Variants in KLHL13 observed in about 807,000 individuals in gnomAD.
KLHL13 encodes kelch like family member 13.
In KLHL13, 10 loss-of-function variants were observed where a neutral mutation model predicts 37.1. The ratio of observed to expected loss-of-function variants is 0.27; its 90% confidence interval spans 0.17 to 0.46. KLHL13 has a LOEUF of 0.46. Among genes scored for constraint, KLHL13 ranks in the 20% least tolerant of loss-of-function variants. The probability of loss-of-function intolerance (pLI) is 1.00; values close to 1 mark genes in which losing one functional copy is unlikely to be tolerated. For synonymous variants in KLHL13, 163 were observed against 181.2 expected (o/e 0.90, Z 0.81); for missense variants, 360 against 509.3 (o/e 0.71, Z 2.82).
At chrX:118,040,485 G>A (rs1260477941) in intron 1 of KLHL13, among the ~76,000 whole-genome samples, 2 of 111,354 alleles carry the variant, frequency 1.8e-5, no homozygotes, top group African/African-American at 6.5e-5. Context: ...GAATTAATGA[G>A]CTTGAATATA....
chrX:117,994,016 G>A (rs2053825557), intron 1 of KLHL13, among the ~76,000 whole-genome samples: 1 of 109,756 alleles, frequency 9.1e-6, no homozygotes, highest in South Asian at 3.9e-4. Flanking sequence ...GATTACAGGC[G>A]TGAGCCACCA....
At chrX:117,937,303 A>G (rs1932796625) in intron 2 of KLHL13, among the ~76,000 whole-genome samples, 1 of 111,849 alleles carries the variant, frequency 8.9e-6, no homozygotes, top group Non-Finnish European at 1.9e-5. Flanking sequence ...AAGGGTTTTA[A>G]TAGCAACATA....
chrX:118,033,747 C>A (rs1233239963), intron 1 of KLHL13, among the ~76,000 whole-genome samples: 4 of 109,775 alleles, frequency 3.6e-5, no homozygotes, highest in Non-Finnish European at 7.6e-5. Flanking sequence ...ACAATATTAA[C>A]CTTAAAGGTA....
chrX:117,962,011 C>T (rs2053305480), intron 1 of KLHL13, among the ~76,000 whole-genome samples: 1 of 103,878 alleles, frequency 9.6e-6, no homozygotes, highest in Non-Finnish European at 1.9e-5. Flanking sequence ...TTGAGACCAG[C>T]CTGGTAACAC....
chrX:118,011,155 A>C (rs2054063011), intron 1 of KLHL13, among the ~76,000 whole-genome samples: 1 of 109,782 alleles, frequency 9.1e-6, no homozygotes, highest in Middle Eastern at 4.3e-3. Context: ...ATTTCAGTGA[A>C]AGTTTCACAG....
At chrX:117,940,763 G>T (rs969670738) in intron 2 of KLHL13, among the ~76,000 whole-genome samples, 1 of 111,287 alleles carries the variant, frequency 9.0e-6, no homozygotes, top group Non-Finnish European at 1.9e-5. Flanking sequence ...TTGGTGTATA[G>T]GAATGCTTGT....
intron 1 of KLHL13, 30 bp from the exon 3 acceptor site, chrX:117,945,605 G>A (rs758601069): frequency 7.9e-6 from 9 of 1,136,827 alleles, no homozygotes; most frequent in South Asian, 4.0e-5. Context: ...AGAAAGAAGG[G>A]GAAATTAAAA....
intron 1 of KLHL13, among the ~76,000 whole-genome samples, chrX:118,072,000 A>G (rs1306389425): frequency 9.0e-6 from 1 of 110,873 alleles, no homozygotes; most frequent in African/African-American, 3.3e-5. Flanking sequence ...ATATGGAATC[A>G]AAAAAGAGCC....
Position 117,945,417 on chromosome X carries a change from G to A in KLHL13, c.240+17C>T, listed in dbSNP as rs201970966. ...TTAAAGCTACGTAAACACTACCAAA[G>A]AGACAGCTTAAATTACCTGTAACAC... On this transcript the variant is annotated intron_variant, in intron 2 of 6. Coordinates refer to ENST00000262820, the Ensembl canonical transcript of KLHL13. 2,314 of 1,202,324 alleles carry A rather than the reference G, an allele frequency of 1.9e-3. 1 individual carries two copies. Among genetic ancestry groups the A allele is most frequent in the Non-Finnish European group, 2.4e-3 (2,122 of 891,044 alleles).
intron 1 of KLHL13, among the ~76,000 whole-genome samples, chrX:117,994,841 G>A (rs878967941): frequency 8.9e-6 from 1 of 111,782 alleles, no homozygotes; most frequent in Admixed American, 9.5e-5. Flanking sequence ...GGAAGCTGAA[G>A]TGGGAAGAGT....
chrX:118,064,785 G>C (rs1266044428), intron 1 of KLHL13, among the ~76,000 whole-genome samples: 1 of 111,788 alleles, frequency 8.9e-6, no homozygotes, highest in Non-Finnish European at 1.9e-5. Context: ...ATATTTGCTA[G>C]CTGTTTTCTG....
At chrX:118,035,505 C>A (rs2054426391) in intron 1 of KLHL13, among the ~76,000 whole-genome samples, 1 of 109,318 alleles carries the variant, frequency 9.1e-6, no homozygotes, top group African/African-American at 3.5e-5. Context: ...ATGATTATCT[C>A]AAAAGATGCA....
At chrX:118,094,797 A>G (rs1425312723) in intron 1 of KLHL13, among the ~76,000 whole-genome samples, 4 of 111,245 alleles carry the variant, frequency 3.6e-5, no homozygotes, top group Admixed American at 1.9e-4. Context: ...ACTAAGCTTC[A>G]TAAGTGAAGG....
chrX:117,961,480 C>T (rs1458973384), intron 1 of KLHL13, among the ~76,000 whole-genome samples: 1 of 111,661 alleles, frequency 9.0e-6, no homozygotes, highest in East Asian at 2.8e-4. Context: ...ACATCTTAAC[C>T]CCAGGAATCT....
At chrX:118,114,823 T>C (rs950243974) in intron 1 of KLHL13, among the ~76,000 whole-genome samples, 2 of 112,704 alleles carry the variant, frequency 1.8e-5, no homozygotes, top group South Asian at 3.7e-4. Context: ...ACTACACTTT[T>C]TGAAGTGTGC....
intron 2 of KLHL13, among the ~76,000 whole-genome samples, chrX:117,933,166 C>T (rs1472919190): frequency 9.1e-6 from 1 of 110,389 alleles, no homozygotes; most frequent in Non-Finnish European, 1.9e-5. Flanking sequence ...TGTAGGTTGT[C>T]TCTTCATTTG....
intron 1 of KLHL13, among the ~76,000 whole-genome samples, chrX:118,068,675 A>G (rs1237825297): frequency 9.0e-6 from 1 of 111,236 alleles, no homozygotes; most frequent in Non-Finnish European, 1.9e-5. Flanking sequence ...CACAGATAAG[A>G]AGCCAACACT....
chrX:117,984,487 T>C (rs2053701420), intron 1 of KLHL13, among the ~76,000 whole-genome samples: 1 of 111,578 alleles, frequency 9.0e-6, no homozygotes, highest in Non-Finnish European at 1.9e-5. Context: ...CATAACTATA[T>C]CAAAGTCATA....
At chrX:117,909,973 A>G (rs774015796) in exon 5 of KLHL13, 5 of 1,210,801 alleles carry the variant, frequency 4.1e-6, no homozygotes, top group East Asian at 3.0e-5. Context: ...AGTTTCAAGA[A>G]CTCCCCTGTG....
Sources: gnomAD v4.1 joint callset for allele counts (sites outside exome capture counted in the v4.1 genomes callset) on GRCh38, gnomAD v4.1.1 for gene constraint, MANE v1.5 for transcripts, NCBI Gene and HGNC (gene_info 2026-07-23, HGNC 2026-07-21) for gene names.